SRP68: variants seen among roughly 807,000 people sequenced by gnomAD.
The protein encoded by SRP68 is signal recognition particle 68.
SRP68 carries 15 observed loss-of-function variants against 82.2 expected under a neutral mutation model. The ratio of observed to expected loss-of-function variants is 0.18; its 90% confidence interval spans 0.12 to 0.28. SRP68 has a LOEUF of 0.28. Among genes scored for constraint, SRP68 ranks in the 10% least tolerant of loss-of-function variants. The pLI is 1.00. For synonymous variants in SRP68, 261 were observed against 292.6 expected (o/e 0.89, Z 1.10); for missense variants, 595 against 780.5 (o/e 0.76, Z 2.83).
intron 9 of SRP68, 137 bp downstream of exon 9, chr17:76,050,291 C>A: frequency 1.6e-6 from 1 of 614,942 alleles, no homozygotes; most frequent in Non-Finnish European, 2.9e-6. Context: ...CCCTTACGAC[C>A]TCACCTCAAA....
intron 8 of SRP68, among the ~76,000 whole-genome samples, chr17:76,050,836 C>T (rs1046914662): frequency 4.0e-5 from 6 of 151,722 alleles, no homozygotes; most frequent in Non-Finnish European, 8.8e-5. Flanking sequence ...CCTGCTACTT[C>T]CCTGCAGCGC....
chr17:76,060,144 A>AG (rs11443093), intron 7 of SRP68, among the ~76,000 whole-genome samples, 164 bp downstream of exon 7: 3,788 of 142,726 alleles, frequency 0.027, 179 homozygotes, highest in African/African-American at 0.11. Context: ...AAAAAAAAAA[A>AG]AAAAAAGAAA....
chr17:76,050,643 C>T (rs1027235559), intron 8 of SRP68, 117 bp from the exon 9 acceptor site: 19 of 658,784 alleles, frequency 2.9e-5, no homozygotes, highest in Middle Eastern at 2.4e-4. Context: ...TCACGCACGC[C>T]ACACCAGATA....
chr17:76,045,234 C>G (rs2066620818), intron 12 of SRP68, 58 bp downstream of exon 12: 7 of 1,381,532 alleles, frequency 5.1e-6, no homozygotes, highest in Admixed American at 1.7e-5. Context: ...GGGTCATGCT[C>G]CCAATGCTTA....
intron 4 of SRP68, among the ~76,000 whole-genome samples, chr17:76,062,725 T>C (rs1338821638): frequency 7.8e-5 from 2 of 25,568 alleles, no homozygotes; most frequent in South Asian, 1.2e-3. Context: ...ATATTATATT[T>C]ATTTTATATA....
Position 76,039,135 on chromosome 17 carries a change from T to C in SRP68, c.*571A>G, listed in dbSNP as rs1239441936. ...CATCTTTGCCTTTTAATATAAGATT[T>C]GGTTTCATCATTTCTGAGTGTAACA... On this transcript the variant is annotated 3_prime_UTR_variant, in exon 16 of 16. Coordinates refer to ENST00000307877, the MANE Select transcript of SRP68 (RefSeq NM_014230.4). 2 of 326,844 alleles carry C rather than the reference T, an allele frequency of 6.1e-6. No homozygotes were observed. Among genetic ancestry groups the C allele is most frequent in the South Asian group, 2.5e-5 (1 of 39,282 alleles). 20.2% of individuals were successfully genotyped at this position (326,844 alleles called of 1,614,324 possible). A position where few individuals can be genotyped will look rare whatever the true frequency, so the allele number is the denominator to read the frequency against.
intron 15 of SRP68, 114 bp downstream of exon 15, chr17:76,040,305 G>T: frequency 1.0e-6 from 1 of 998,510 alleles, no homozygotes; most frequent in Non-Finnish European, 1.6e-6. Flanking sequence ...GAGAAGGGAG[G>T]GAGGTGGGGG....
Position 76,072,341 on chromosome 17 carries a change from T to G in SRP68, c.151A>C (p.Asn51His), listed in dbSNP as rs776550722. The change falls in exon 1 of 16, where the codon AAC (asparagine) becomes CAC (histidine). Residue 51 changes from asparagine (N) to histidine (H), a missense_variant. Asn to His is a moderately conservative substitution (Grantham distance 68, BLOSUM62 1). Coordinates refer to ENST00000307877, the MANE Select transcript of SRP68 (RefSeq NM_014230.4). This position sits in a 1 kb window ranked among gnomAD's most constrained non-coding sequence, Gnocchi z 4.5. Reference protein sequence around the residue: ...NERPSAGSKANKEFGDSLSLE... With the variant: ...NERPSAGSKAHKEFGDSLSLE... ...CTCAGGCTATCCCCAAATTCTTTGTTTGCCTTCGATCCGGCCGAAGGGCGT... is the reference window on the plus strand; with the variant it reads ...CTCAGGCTATCCCCAAATTCTTTGTGTGCCTTCGATCCGGCCGAAGGGCGT... 4.0e-5 allele frequency: 65 copies of G among 1,612,560 alleles called. No individual in the cohort carries two copies. Among genetic ancestry groups the G allele is most frequent in the Non-Finnish European group, 5.3e-5 (62 of 1,179,616 alleles).
At chr17:76,058,947 T>C (rs2066730955) in intron 7 of SRP68, among the ~76,000 whole-genome samples, 1 of 152,226 alleles carries the variant, frequency 6.6e-6, no homozygotes, top group Admixed American at 6.5e-5. Context: ...TGATGGTGTA[T>C]GGCTGGATAA....
intron 14 of SRP68, 25 bp from the exon 15 acceptor site, chr17:76,040,499 A>C: frequency 6.2e-7 from 1 of 1,609,826 alleles, no homozygotes; most frequent in Admixed American, 1.7e-5. Flanking sequence ...GGGATTCAGT[A>C]AGAACAAGGA....
chr17:76,045,745 C>T, intron 11 of SRP68, among the ~76,000 whole-genome samples: 1 of 152,162 alleles, frequency 6.6e-6, no homozygotes, highest in Non-Finnish European at 1.5e-5. Flanking sequence ...GACAAACTCC[C>T]TGGGGGCCGA....
intron 13 of SRP68, chr17:76,041,230 A>C (rs1164625634): frequency 2.7e-6 from 1 of 365,532 alleles, no homozygotes; most frequent in Non-Finnish European, 5.0e-6. Context: ...ATCATACACT[A>C]AACAGTGTGC....
intron 4 of SRP68, among the ~76,000 whole-genome samples, chr17:76,062,723 T>TAATATATAATATACA (rs1567935156): frequency 1.1e-4 from 4 of 36,210 alleles, no homozygotes; most frequent in African/African-American, 6.7e-4. Flanking sequence ...ATATATTATA[T>TAATATATAATATACA]TTATTTTATA....
intron 12 of SRP68, 135 bp from the exon 13 acceptor site, chr17:76,044,093 T>C: frequency 2.1e-6 from 2 of 960,438 alleles, no homozygotes; most frequent in Non-Finnish European, 2.9e-6. Context: ...GGGAGCCCCC[T>C]TCATGGGAAG....
rs118016018 is a variant in SRP68, at chr17:76,040,057, C to T, written c.1657-124G>A. ...GCCATCTCACTCAATCACTCAATCC[C>T]GACAGCCTCCTACGAGGAGGGGCTA... is the stretch of plus-strand genomic sequence containing the variant. On this transcript the variant is annotated intron_variant, in intron 15 of 15. Transcript: ENST00000307877. 849 of 920,166 alleles carry T rather than the reference C, an allele frequency of 9.2e-4. 9 individuals carry two copies. In the South Asian group the frequency reaches 0.012, roughly 13 times the overall value. The allele number at this position is 920,166 out of a possible 1,614,324, so 57.0% of individuals were successfully genotyped here. A position where few individuals can be genotyped will look rare whatever the true frequency, so the allele number is the denominator to read the frequency against.
chr17:76,067,433 A>G (rs753643966), intron 2 of SRP68, 103 bp from the exon 3 acceptor site: 21 of 784,070 alleles, frequency 2.7e-5, no homozygotes, highest in African/African-American at 7.1e-5. Flanking sequence ...TTGGGATATT[A>G]TACTTATGGT....
chr17:76,068,716 T>C (rs2066826168), intron 2 of SRP68, among the ~76,000 whole-genome samples: 1 of 152,182 alleles, frequency 6.6e-6, no homozygotes, highest in African/African-American at 2.4e-5. Flanking sequence ...TGTGACATTA[T>C]AATTATGTTC....
chr17:76,046,304 C>A (rs528892752), intron 10 of SRP68, 110 bp from the exon 11 acceptor site: 4 of 1,256,838 alleles, frequency 3.2e-6, no homozygotes, highest in Admixed American at 3.6e-5. Flanking sequence ...CGGGTGGGGG[C>A]GTGGCCACAG....
At chr17:76,042,179 CG>C (rs1266848996) in intron 13 of SRP68, among the ~76,000 whole-genome samples, 3 of 152,006 alleles carry the variant, frequency 2.0e-5, no homozygotes, top group African/African-American at 7.2e-5. Flanking sequence ...CCACGGTGCC[CG>C]GCCCCTGCTT....
Sources: gnomAD v4.1 joint callset for allele counts (sites outside exome capture counted in the v4.1 genomes callset) on GRCh38, gnomAD v4.1.1 for gene constraint, Gnocchi (gnomAD v3.1) non-coding constraint, MANE v1.5 for transcripts, NCBI Gene and HGNC (gene_info 2026-07-23, HGNC 2026-07-21) for gene names.